EPB41: variants seen among roughly 807,000 people sequenced by gnomAD.
EPB41 encodes the protein erythrocyte membrane protein band 4.1, also known as protein 4.1.
In EPB41, 65 loss-of-function variants were observed where a neutral mutation model predicts 108.0. The ratio of observed to expected loss-of-function variants is 0.60; its 90% CI spans 0.49 to 0.74. The LOEUF (loss-of-function observed/expected upper bound fraction) is 0.74. Among genes scored for constraint, EPB41 ranks in the 30% least tolerant of loss-of-function variants. The pLI, the probability that EPB41 is intolerant of heterozygous loss-of-function variation, is 0.00. For synonymous variants in EPB41, 336 were observed against 358.9 expected (o/e 0.94, Z 0.72); for missense variants, 875 against 1,037.0 (o/e 0.84, Z 2.15).
chr1:29,096,516 C>T (rs1489732648), intron 16 of EPB41: 32 of 985,722 alleles, frequency 3.2e-5, no homozygotes, highest in Non-Finnish European at 3.7e-5. Context: ...GAACATGTTA[C>T]ACCAGGAGAG....
intron 16 of EPB41, among the ~76,000 whole-genome samples, chr1:29,079,577 A>G (rs998925880): frequency 6.7e-6 from 1 of 150,088 alleles, no homozygotes; most frequent in African/African-American, 2.5e-5. Flanking sequence ...TGCCTGGCTA[A>G]TTTTTGTATT....
chr1:29,081,431 A>G (rs1656561840), intron 16 of EPB41, among the ~76,000 whole-genome samples: 1 of 152,142 alleles, frequency 6.6e-6, no homozygotes, highest in Non-Finnish European at 1.5e-5. Context: ...TGTTCCTGTA[A>G]TGTGAAATCG....
At chr1:29,059,060 G>C (rs570758796) in intron 14 of EPB41, among the ~76,000 whole-genome samples, 4 of 151,768 alleles carry the variant, frequency 2.6e-5, no homozygotes, top group Non-Finnish European at 5.9e-5. Flanking sequence ...GGATCACTTG[G>C]GGTCAGGAGT....
intron 1 of EPB41, among the ~76,000 whole-genome samples, chr1:28,896,873 T>G (rs150043093): frequency 6.6e-6 from 1 of 151,980 alleles, no homozygotes; most frequent in Admixed American, 6.6e-5. Flanking sequence ...GGCGTGATAA[T>G]GAACTGCAGT....
At chr1:28,920,002 A>G (rs535551188) in intron 1 of EPB41, among the ~76,000 whole-genome samples, 1 of 152,048 alleles carries the variant, frequency 6.6e-6, no homozygotes, top group South Asian at 2.1e-4. Flanking sequence ...TAGGCCCTCA[A>G]CTCTCAGGGT....
At chr1:28,939,440 T>A (rs2094183568) in intron 1 of EPB41, among the ~76,000 whole-genome samples, 1 of 151,956 alleles carries the variant, frequency 6.6e-6, no homozygotes, top group Admixed American at 6.6e-5. Flanking sequence ...TTTATTTATT[T>A]TTTATTTTTA....
At chr1:28,903,866 T>C in intron 1 of EPB41, among the ~76,000 whole-genome samples, 1 of 151,780 alleles carries the variant, frequency 6.6e-6, no homozygotes, top group East Asian at 1.9e-4. Context: ...TTTTTGTTGT[T>C]GTTGTTTGTT....
At chr1:28,958,373 G>A (rs1335124985) in intron 1 of EPB41, among the ~76,000 whole-genome samples, 1 of 151,998 alleles carries the variant, frequency 6.6e-6, no homozygotes, top group Non-Finnish European at 1.5e-5. Flanking sequence ...GCTTGAGCCT[G>A]GGAGATTGAA....
chr1:28,985,543 G>A (rs1239752645), intron 1 of EPB41, among the ~76,000 whole-genome samples: 3 of 152,138 alleles, frequency 2.0e-5, no homozygotes. Context: ...GGCCTCCTAA[G>A]GCATAAGACA....
intron 1 of EPB41, among the ~76,000 whole-genome samples, chr1:28,921,130 A>G (rs1293644789): frequency 3.9e-5 from 6 of 152,142 alleles, no homozygotes; most frequent in African/African-American, 1.4e-4. Flanking sequence ...ATAGAAATGT[A>G]TATTTTTGGT....
At chr1:28,917,250 G>C (rs376460396) in intron 1 of EPB41, among the ~76,000 whole-genome samples, 252 of 149,830 alleles carry the variant, frequency 1.7e-3, no homozygotes, top group African/African-American at 4.1e-3. Flanking sequence ...CTCTCTCTCT[G>C]TGTGTGTGTG....
chr1:28,979,464 C>G (rs992365359), intron 1 of EPB41, among the ~76,000 whole-genome samples: 5 of 151,428 alleles, frequency 3.3e-5, no homozygotes, highest in African/African-American at 1.2e-4. Context: ...TTCATACTTG[C>G]CTTTAAAAAA....
chr1:28,985,771 T>C (rs2095857497), intron 1 of EPB41: 1 of 152,216 alleles, frequency 6.6e-6, no homozygotes, highest in Non-Finnish European at 1.5e-5. Context: ...GATGTCTTTG[T>C]TTCTTCTCGA....
chr1:29,099,436 C>A (rs540972098), intron 17 of EPB41, among the ~76,000 whole-genome samples: 1 of 152,052 alleles, frequency 6.6e-6, no homozygotes, highest in Non-Finnish European at 1.5e-5. Context: ...AGCAGTTCTC[C>A]CACCTTTGCC....
intron 12 of EPB41, among the ~76,000 whole-genome samples, chr1:29,055,930 C>CAAAAAAAAA (rs35702090): frequency 6.7e-5 from 4 of 59,390 alleles, no homozygotes; most frequent in South Asian, 6.8e-4. Flanking sequence ...AAGACTGTCT[C>CAAAAAAAAA]AAAAAAAAAA....
intron 16 of EPB41, among the ~76,000 whole-genome samples, chr1:29,083,690 C>G (rs1286905960): frequency 6.6e-6 from 1 of 152,110 alleles, no homozygotes; most frequent in Non-Finnish European, 1.5e-5. Context: ...TATTATACAA[C>G]CTAGGGAAAT....
Position 29,058,622 on chromosome 1 carries a change from A to G in EPB41, c.1879A>G (p.Thr627Ala). ...EKTHIEVTVPTSNGDQTQKLA... is the reference protein window; with the variant it reads ...EKTHIEVTVPASNGDQTQKLA... Reference sequence around the variant, plus strand: ...AACCCACATCGAGGTGACAGTACCCACCTCAAATGGTGACCAAACACAGGT... The same window carrying G: ...AACCCACATCGAGGTGACAGTACCCGCCTCAAATGGTGACCAAACACAGGT... Residue 627 changes from threonine (T) to alanine (A), a missense_variant, in exon 13 of 21, where the codon ACC (threonine) becomes GCC (alanine). Physicochemically the swap from Thr to Ala is moderately conservative, Grantham distance 58 (BLOSUM62 0). Coordinates refer to ENST00000343067, the MANE Select transcript of EPB41 (RefSeq NM_001376013.1). 6.2e-7 allele frequency: 1 copy of G among 1,613,878 alleles called. No homozygotes were observed.
At chr1:29,110,314 C>G (rs1429783501) in intron 18 of EPB41, among the ~76,000 whole-genome samples, 1 of 152,150 alleles carries the variant, frequency 6.6e-6, no homozygotes, top group African/African-American at 2.4e-5. Context: ...CACTGCACTC[C>G]AGCCTGAGTG....
At chr1:29,027,143 A>G (rs1006606332) in intron 7 of EPB41, among the ~76,000 whole-genome samples, 1 of 152,014 alleles carries the variant, frequency 6.6e-6, no homozygotes, top group Non-Finnish European at 1.5e-5. Context: ...TAAGAATTGT[A>G]AAGGGACCTT....
Sources: allele counts gnomAD v4.1 joint callset (sites outside exome capture counted in the v4.1 genomes callset), GRCh38; gene constraint gnomAD v4.1.1; transcripts MANE v1.5; gene names NCBI Gene and HGNC (gene_info 2026-07-23, HGNC 2026-07-21).